MAGI1: variants seen among roughly 807,000 people sequenced by gnomAD.
MAGI1 encodes the protein membrane associated guanylate kinase, WW and PDZ domain containing 1.
Under a neutral mutation model 139.9 loss-of-function variants are expected in MAGI1, and 58 were observed. The observed-to-expected ratio is 0.41, with a 90% CI of 0.34 to 0.52. The LOEUF (loss-of-function observed/expected upper bound fraction) is 0.52. MAGI1 is among the 20% of genes least tolerant of loss of function. MAGI1 has a pLI of 0.12. For synonymous variants in MAGI1, 812 were observed against 737.9 expected, an observed-to-expected ratio of 1.10 and a Z score of -1.63; for missense variants, 1,874 against 1,901.6, an observed-to-expected ratio of 0.99 and a Z score of 0.27.
chr3:65,756,530 A>T (rs944556534), intron 1 of MAGI1, among the ~76,000 whole-genome samples: 1 of 152,184 alleles, frequency 6.6e-6, no homozygotes, highest in African/African-American at 2.4e-5. Context: ...TTTATAAATG[A>T]TATATGTTCA....
At chr3:65,649,691 T>C (rs2085475959) in intron 1 of MAGI1, among the ~76,000 whole-genome samples, 1 of 152,108 alleles carries the variant, frequency 6.6e-6, no homozygotes, top group Non-Finnish European at 1.5e-5. Flanking sequence ...ATAAAAGATA[T>C]GAACAGACTC....
intron 2 of MAGI1, among the ~76,000 whole-genome samples, chr3:65,495,860 G>A (rs1952395472): frequency 6.6e-6 from 1 of 152,050 alleles, no homozygotes; most frequent in South Asian, 2.1e-4. Context: ...GTGATCTGGT[G>A]TGTTCAGGGA....
At chr3:65,691,887 T>A (rs1171876162) in intron 1 of MAGI1, among the ~76,000 whole-genome samples, 2 of 152,184 alleles carry the variant, frequency 1.3e-5, no homozygotes, top group Admixed American at 1.3e-4. Context: ...AGTTCCAACC[T>A]AATTAGCTTC....
intron 12 of MAGI1, among the ~76,000 whole-genome samples, chr3:65,409,228 T>C (rs1945588414): frequency 6.6e-6 from 1 of 152,208 alleles, no homozygotes; most frequent in African/African-American, 2.4e-5. Flanking sequence ...TCATAGTCTA[T>C]TTTAAAAGAG....
intron 1 of MAGI1, among the ~76,000 whole-genome samples, chr3:65,656,979 CAAAAAAAAAAAAA>C (rs58817001): frequency 2.7e-5 from 2 of 73,958 alleles, no homozygotes; most frequent in Non-Finnish European, 2.4e-5. Context: ...GACACCATCT[CAAAAAAAAAAAAA>C]AAAAAAAAAA....
intron 1 of MAGI1, among the ~76,000 whole-genome samples, chr3:65,816,269 G>C (rs1308683299): frequency 1.3e-5 from 2 of 150,960 alleles, no homozygotes; most frequent in Non-Finnish European, 2.9e-5. Flanking sequence ...GAAATCTCTA[G>C]AACAGGACTA....
At chr3:65,819,072 G>T (rs954192671) in intron 1 of MAGI1, among the ~76,000 whole-genome samples, 1 of 152,096 alleles carries the variant, frequency 6.6e-6, no homozygotes, top group Admixed American at 6.6e-5. Context: ...GGATTACAAG[G>T]TCAGGAGTTC....
intron 12 of MAGI1, among the ~76,000 whole-genome samples, chr3:65,412,441 T>A (rs1225109300): frequency 6.6e-6 from 1 of 152,246 alleles, no homozygotes; most frequent in Non-Finnish European, 1.5e-5. Flanking sequence ...CCTATCACTC[T>A]CTAAAATGAC....
chr3:65,687,846 C>T (rs1173521117), intron 1 of MAGI1: 7 of 614,054 alleles, frequency 1.1e-5, no homozygotes, highest in African/African-American at 3.7e-5. Context: ...AACAGTGCCA[C>T]CCAGTCTTCC....
chr3:65,455,573 G>A lies in MAGI1; in HGVS notation c.960-2233C>T, dbSNP rs542131863. 9.9e-5 allele frequency among the ~76,000 whole-genome samples: 15 copies of A among 151,952 alleles called. No individual in the cohort carries two copies. In the South Asian group the frequency reaches 2.9e-3, roughly 29 times the overall value. ...AAAAAAATACAAAAAAATTAGCCAG[G>A]TGTGGTGGCACACACTAGCCAGGTG... On this transcript the variant is annotated intron_variant, in intron 5 of 22. Coordinates refer to ENST00000402939, the MANE Select transcript of MAGI1 (RefSeq NM_001033057.2).
intron 1 of MAGI1, among the ~76,000 whole-genome samples, chr3:65,625,257 T>C (rs1015194389): frequency 4.6e-5 from 7 of 152,216 alleles, no homozygotes; most frequent in Admixed American, 3.9e-4. Flanking sequence ...AAAACAAGTA[T>C]GTTTTATTAT....
intron 2 of MAGI1, among the ~76,000 whole-genome samples, chr3:65,519,111 C>T (rs961766658): frequency 1.3e-5 from 2 of 152,074 alleles, no homozygotes; most frequent in Non-Finnish European, 2.9e-5. Flanking sequence ...GTTTGAATTA[C>T]AGTAAGAAGC....
intron 1 of MAGI1, among the ~76,000 whole-genome samples, chr3:65,775,660 G>A (rs1445219862): frequency 6.6e-6 from 1 of 151,904 alleles, no homozygotes; most frequent in Non-Finnish European, 1.5e-5. Context: ...GTGGTTTCTG[G>A]TCAAACACAG....
chr3:65,489,411 G>A (rs1481131543), intron 3 of MAGI1, among the ~76,000 whole-genome samples: 1 of 152,104 alleles, frequency 6.6e-6, no homozygotes, highest in Non-Finnish European at 1.5e-5. Flanking sequence ...CTTTAAAACT[G>A]TGCTGCCAGA....
At chr3:65,880,684 G>A (rs896410671) in intron 1 of MAGI1, among the ~76,000 whole-genome samples, 2 of 152,004 alleles carry the variant, frequency 1.3e-5, no homozygotes, top group Admixed American at 6.6e-5. Context: ...TCCACCGGGA[G>A]AACATCCTCA....
intron 1 of MAGI1, among the ~76,000 whole-genome samples, chr3:66,001,844 T>C (rs2066756511): frequency 3.3e-5 from 5 of 152,228 alleles, no homozygotes; most frequent in Admixed American, 3.3e-4. Flanking sequence ...GGCCAAGCTG[T>C]TAAAGCCTTT....
chr3:65,455,898 G>A (rs141943188), intron 5 of MAGI1, among the ~76,000 whole-genome samples: 18 of 152,224 alleles, frequency 1.2e-4, no homozygotes, highest in African/African-American at 4.3e-4. Context: ...GTATTCCATG[G>A]AATGAATGTA....
intron 2 of MAGI1, among the ~76,000 whole-genome samples, chr3:65,613,392 G>T (rs1010269015): frequency 6.6e-6 from 1 of 152,114 alleles, no homozygotes; most frequent in Non-Finnish European, 1.5e-5. Flanking sequence ...TTCACAAGAA[G>T]ATTATAAATT....
intron 1 of MAGI1, among the ~76,000 whole-genome samples, chr3:66,007,688 T>C (rs2067098146): frequency 6.6e-6 from 1 of 152,186 alleles, no homozygotes; most frequent in Non-Finnish European, 1.5e-5. Context: ...GTAATATGGA[T>C]GGGCTTGACT....
Sources: allele counts gnomAD v4.1 joint callset (sites outside exome capture counted in the v4.1 genomes callset), GRCh38; gene constraint gnomAD v4.1.1; transcripts MANE v1.5; gene names NCBI Gene and HGNC (gene_info 2026-07-23, HGNC 2026-07-21).